Variants in DNAH9 observed in about 807,000 individuals in gnomAD.
DNAH9 encodes the protein DNAH9 variant protein.
In DNAH9, 345 loss-of-function variants were observed where a neutral mutation model predicts 471.6. The observed-to-expected ratio is 0.73, with a 90% confidence interval of 0.67 to 0.80. DNAH9 has a LOEUF of 0.80. Ranked by LOEUF, DNAH9 falls within the 30% of genes least tolerant of loss-of-function variation. The pLI, the probability that DNAH9 is intolerant of heterozygous loss-of-function variation, is 0.00. For synonymous variants in DNAH9, 2,093 were observed against 2,123.6 expected, an observed-to-expected ratio of 0.99 and a Z score of 0.40; for missense variants, 5,407 against 5,609.2, an observed-to-expected ratio of 0.96 and a Z score of 1.15.
chr17:11,966,407 AAGAG>A (rs949432255), intron 68 of DNAH9, among the ~76,000 whole-genome samples: 1 of 152,178 alleles, frequency 6.6e-6, no homozygotes, highest in African/African-American at 2.4e-5. Flanking sequence ...CAGATTTTTT[AAGAG>A]AGAGAGACAG....
intron 53 of DNAH9, among the ~76,000 whole-genome samples, chr17:11,876,711 T>G (rs563337186): frequency 6.6e-6 from 1 of 152,046 alleles, no homozygotes; most frequent in East Asian, 1.9e-4. Context: ...GTTTTGTTTT[T>G]TTTGTTTGTT....
intron 26 of DNAH9, among the ~76,000 whole-genome samples, chr17:11,709,640 G>A (rs1483301292): frequency 6.6e-6 from 1 of 152,148 alleles, no homozygotes; most frequent in Non-Finnish European, 1.5e-5. Flanking sequence ...ATAAATAGGT[G>A]CGATGGTTCA....
chr17:11,869,404 G>A, intron 51 of DNAH9, 151 bp downstream of exon 51: 1 of 1,165,926 alleles, frequency 8.6e-7, no homozygotes, highest in Non-Finnish European at 1.2e-6. Context: ...TGAGTCCTGA[G>A]GAAAATGTGG....
rs779646133 is a variant in DNAH9 at position 11,768,627 on chromosome 17, G to C, written c.7344+1G>C. On this transcript the variant is annotated splice_donor_variant, in intron 37 of 68. Coordinates refer to ENST00000262442, the MANE Select transcript of DNAH9 (RefSeq NM_001372.4). LOFTEE classifies it high-confidence loss of function. ...ATTTGACCCCGAGATGCCCTTGCAGGTGAGTGCAGCTGAGCAGCCGAGGAC... is the reference window on the plus strand; with the variant it reads ...ATTTGACCCCGAGATGCCCTTGCAGCTGAGTGCAGCTGAGCAGCCGAGGAC... The C allele has an allele frequency of 1.2e-6, 2 of 1,613,886 alleles. No individual in the cohort carries two copies. The highest frequency in any genetic ancestry group is 1.7e-6 in the Non-Finnish European group (2 of 1,179,864).
At chr17:11,634,631 G>A (rs1328058483) in intron 8 of DNAH9, among the ~76,000 whole-genome samples, 1 of 152,174 alleles carries the variant, frequency 6.6e-6, no homozygotes, top group East Asian at 1.9e-4. Context: ...AGAGATCTGG[G>A]TGATTGTTTT....
At chr17:11,841,565 A>G (rs563237285) in intron 49 of DNAH9, among the ~76,000 whole-genome samples, 5 of 152,274 alleles carry the variant, frequency 3.3e-5, no homozygotes, top group East Asian at 1.9e-4. Context: ...GCAATCAGAC[A>G]TGTATTTGTC....
intron 4 of DNAH9, among the ~76,000 whole-genome samples, chr17:11,616,381 A>C (rs760188620): frequency 6.6e-6 from 1 of 152,130 alleles, no homozygotes; most frequent in Non-Finnish European, 1.5e-5. Context: ...ACCTAAGACC[A>C]CCTGCTCTCA....
intron 58 of DNAH9, 114 bp from the exon 59 acceptor site, chr17:11,894,260 G>C: frequency 7.0e-7 from 1 of 1,428,448 alleles, no homozygotes; most frequent in Non-Finnish European, 9.6e-7. Flanking sequence ...AACCAAAATT[G>C]ATGGGCAAAC....
intron 22 of DNAH9, among the ~76,000 whole-genome samples, chr17:11,696,424 G>A (rs562186680): frequency 6.6e-6 from 1 of 152,168 alleles, no homozygotes; most frequent in Non-Finnish European, 1.5e-5. Context: ...GAATAACCTT[G>A]GACTTTGTAT....
At position 11,704,462 on chromosome 17, in the gene DNAH9, G is replaced by C; in HGVS notation, c.5391+20G>C. The stretch of plus-strand genomic sequence containing the variant: ...CAGAAGGTGGGTCCCAAACATCCAG[G>C]GATGCCCACTTTTGTGTACAGCTAC... On this transcript the variant is annotated intron_variant, in intron 25 of 68. Transcript: ENST00000262442. The C allele has an allele frequency of 6.2e-7, 1 of 1,610,054 alleles. No homozygotes were observed. Among genetic ancestry groups the C allele is most frequent in the Non-Finnish European group, 8.5e-7 (1 of 1,178,938 alleles).
intron 48 of DNAH9, among the ~76,000 whole-genome samples, chr17:11,827,133 A>G (rs1260275483): frequency 6.6e-6 from 1 of 151,992 alleles, no homozygotes; most frequent in East Asian, 1.9e-4. Flanking sequence ...CCGAGTCCCT[A>G]CTTTCAACAT....
chr17:11,694,148 A>C (rs2074387018), intron 21 of DNAH9, 150 bp downstream of exon 21: 2 of 1,246,224 alleles, frequency 1.6e-6, no homozygotes, highest in Non-Finnish European at 2.3e-6. Flanking sequence ...GCATTATTAG[A>C]GGTGTTGACG....
intron 50 of DNAH9, among the ~76,000 whole-genome samples, chr17:11,861,103 G>A (rs2150977118): frequency 1.3e-5 from 2 of 150,990 alleles, no homozygotes; most frequent in South Asian, 4.2e-4. Flanking sequence ...GTATACATGT[G>A]CCATGCTGGT....
At chr17:11,924,059 C>A in intron 62 of DNAH9, 118 bp downstream of exon 62, 1 of 1,383,670 alleles carries the variant, frequency 7.2e-7, no homozygotes, top group Non-Finnish European at 9.8e-7. Context: ...ACTCTTGTCC[C>A]CTTCATTTCT....
At chr17:11,706,233 C>T (rs1199796145) in intron 26 of DNAH9, among the ~76,000 whole-genome samples, 1 of 152,088 alleles carries the variant, frequency 6.6e-6, no homozygotes, top group African/African-American at 2.4e-5. Context: ...TATTCAGTAC[C>T]TCTTACCTGG....
rs1313233967 is a variant in DNAH9, at chr17:11,778,311, C to CA, written c.7553-2697dup. On this transcript the variant is annotated intron_variant, in intron 38 of 68. Coordinates refer to ENST00000262442, the MANE Select transcript of DNAH9 (RefSeq NM_001372.4). ...TGCCACTGCATTCCAGCCTGGGCGA[C>CA]AGAGTGAGACTCCATCTCAAAAAAA... is the stretch of plus-strand genomic sequence containing the variant. Among the ~76,000 whole-genome samples the CA allele has an allele frequency of 2.8e-5, 3 of 105,396 alleles. No individual in the cohort carries two copies. The South Asian group carries it at 1.0e-3, about 37-fold the overall frequency. 69.1% of individuals were successfully genotyped at this position (105,396 alleles called of 152,430 possible). A position where few individuals can be genotyped will look rare whatever the true frequency, so the allele number is the denominator to read the frequency against.
intron 49 of DNAH9, among the ~76,000 whole-genome samples, chr17:11,837,576 C>A (rs1184346779): frequency 6.6e-6 from 1 of 152,172 alleles, no homozygotes; most frequent in Non-Finnish European, 1.5e-5. Context: ...GGCAATAGCC[C>A]CTAAGTTGCT....
chr17:11,887,007 A>T, intron 57 of DNAH9, 42 bp downstream of exon 57: 1 of 1,579,640 alleles, frequency 6.3e-7, no homozygotes, highest in Non-Finnish European at 8.6e-7. Context: ...ATAATAAAGC[A>T]GTGTAATATT....
intron 19 of DNAH9, among the ~76,000 whole-genome samples, chr17:11,687,847 C>T (rs1380800414): frequency 6.6e-6 from 1 of 151,920 alleles, no homozygotes; most frequent in African/African-American, 2.4e-5. Context: ...ATAAAAAAGC[C>T]ATCTGCAGCC....
Sources: gnomAD v4.1 joint callset for allele counts (sites outside exome capture counted in the v4.1 genomes callset) on GRCh38, gnomAD v4.1.1 for gene constraint, MANE v1.5 for transcripts, NCBI Gene and HGNC (gene_info 2026-07-23, HGNC 2026-07-21) for gene names.